Variants in MED20 observed in about 807,000 individuals in gnomAD.
The protein encoded by MED20 is mediator of RNA polymerase II transcription subunit 20.
Under a neutral mutation model 19.7 loss-of-function variants are expected in MED20, and 19 were observed. The observed-to-expected ratio is 0.96, with a 90% CI of 0.67 to 1.42. MED20 has a LOEUF of 1.42. Ranked by LOEUF, MED20 falls within the 40% of genes most tolerant of loss-of-function variation. MED20 has a pLI of 0.00. For missense variants in MED20, 225 were observed against 273.0 expected, an observed-to-expected ratio of 0.82 and a Z score of 1.24; for synonymous variants, 105 against 104.8, an observed-to-expected ratio of 1.00 and a Z score of -0.01.
intron 1 of MED20, chr6:41,917,986 G>A (rs1775358948): frequency 7.8e-6 from 2 of 257,366 alleles, no homozygotes; most frequent in Non-Finnish European, 1.7e-5. Context: ...CAGTATTCAC[G>A]AAAATTGAAT....
intron 2 of MED20, among the ~76,000 whole-genome samples, chr6:41,911,154 C>CT (rs544752819): frequency 0.035 from 4,944 of 140,434 alleles, 125 homozygotes; most frequent in African/African-American, 0.069. Flanking sequence ...AGGCTAAAAA[C>CT]TTTTTTTTTT....
chr6:41,918,377 G>A (rs950885957), intron 1 of MED20, among the ~76,000 whole-genome samples: 5 of 151,974 alleles, frequency 3.3e-5, no homozygotes, highest in Admixed American at 6.6e-5. Context: ...GGTGGTGTGC[G>A]CCTGTAATCC....
In MED20 at chr6:41,907,123, G is replaced by A. The variant is rs151225220; in HGVS notation, c.588C>T (p.Leu196=). The part of the protein sequence containing the change: ...PADTMVQYME[L]FNKIRKQQQV... ...GCTGCTGCTTGCGGATCTTGTTGAA[G>A]AGTTCCATGTACTGGACCATGGTAT... The change falls in exon 4 of 4, where the codon CTC becomes CTT. Residue 196 remains leucine (L), a synonymous_variant. Coordinates refer to ENST00000265350, the MANE Select transcript of MED20 (RefSeq NM_004275.5). The A allele has an allele frequency of 6.2e-7, 1 of 1,614,038 alleles. No homozygotes were observed.
At chr6:41,915,516 G>A (rs1293164472) in intron 2 of MED20, among the ~76,000 whole-genome samples, 8 of 151,864 alleles carry the variant, frequency 5.3e-5, no homozygotes, top group African/African-American at 1.2e-4. Context: ...CGCTGGGCGC[G>A]GTGGCTCACG....
chr6:41,920,718 C>T, intron 1 of MED20: 1 of 343,846 alleles, frequency 2.9e-6, no homozygotes. Context: ...TTGCAGTGAG[C>T]CAAGATCGCT....
intron 3 of MED20, among the ~76,000 whole-genome samples, chr6:41,907,582 CT>C (rs753946237): frequency 6.6e-6 from 1 of 151,982 alleles, no homozygotes; most frequent in Admixed American, 6.6e-5. Flanking sequence ...GTTGTCCCTG[CT>C]ATGCTGGGTA....
At chr6:41,916,301 C>T (rs1485710027) in intron 2 of MED20, among the ~76,000 whole-genome samples, 2 of 148,350 alleles carry the variant, frequency 1.3e-5, no homozygotes, top group African/African-American at 2.6e-5. Context: ...ATAAAGTGGC[C>T]GGGCACAGTG....
intron 1 of MED20, among the ~76,000 whole-genome samples, chr6:41,918,641 G>A (rs551358611): frequency 3.5e-3 from 524 of 149,546 alleles, no homozygotes; most frequent in Non-Finnish European, 5.8e-3. Context: ...GTGAAACCCC[G>A]TCTCTACCAA....
At chr6:41,914,893 A>C (rs1017030371) in intron 2 of MED20, among the ~76,000 whole-genome samples, 4 of 152,210 alleles carry the variant, frequency 2.6e-5, no homozygotes, top group African/African-American at 9.6e-5. Flanking sequence ...TAGAAACCCT[A>C]AAGCTCTAAA....
chr6:41,917,711 A>G (rs1220349288), intron 1 of MED20: 3 of 466,350 alleles, frequency 6.4e-6, no homozygotes, highest in Non-Finnish European at 9.0e-6. Context: ...TGAGTCATAT[A>G]ATGAAAAAGG....
At chr6:41,914,424 A>G (rs1483799354) in intron 2 of MED20, among the ~76,000 whole-genome samples, 2 of 152,220 alleles carry the variant, frequency 1.3e-5, no homozygotes, top group East Asian at 3.8e-4. Flanking sequence ...TCTAAGGGAA[A>G]CAGGTACATG....
At chr6:41,913,995 T>A (rs1775256639) in intron 2 of MED20, among the ~76,000 whole-genome samples, 1 of 152,222 alleles carries the variant, frequency 6.6e-6, no homozygotes, top group Non-Finnish European at 1.5e-5. Context: ...ATTATCTTCA[T>A]TTTATAGATG....
chr6:41,916,876 C>A lies in MED20; in HGVS notation c.78G>T (p.Arg26=). 2 of 1,614,112 alleles carry A rather than the reference C, an allele frequency of 1.2e-6. No individual in the cohort carries two copies. The highest frequency in any genetic ancestry group is 2.2e-5 in the South Asian group (2 of 91,080). The change falls in exon 2 of 4, where the codon CGG becomes CGT. Residue 26 remains arginine, a synonymous_variant. Coordinates refer to ENST00000265350, the MANE Select transcript of MED20 (RefSeq NM_004275.5). ...TCTCTGCCCCAAGCATCTCCAATTT[C>A]CGGGTAAGGAGCTCTACGGTTTGCT... ...SVQQTVELLT[R]KLEMLGAEKQ... is the part of the protein sequence containing the mutation.
At chr6:41,908,900 AG>A in intron 3 of MED20, 1 of 295,730 alleles carries the variant, frequency 3.4e-6, no homozygotes, top group South Asian at 1.3e-4. Flanking sequence ...TGAGGACTGG[AG>A]GCCAGGTGTG....
intron 1 of MED20, 113 bp downstream of exon 1, chr6:41,920,892 C>G: frequency 7.2e-7 from 1 of 1,396,084 alleles, no homozygotes; most frequent in Non-Finnish European, 9.6e-7. Flanking sequence ...CTCATCTACA[C>G]AACCCGAGGA....
Position 41,921,119 on chromosome 6 carries a change from C to T in MED20, c.-101G>A. 6.8e-7 allele frequency: 1 copy of T among 1,479,284 alleles called. No individual in the cohort carries two copies. The highest frequency in any genetic ancestry group is 9.3e-7 in the Non-Finnish European group (1 of 1,080,136). 91.6% of individuals were successfully genotyped at this position (1,479,284 alleles called of 1,614,324 possible). ...AGTTCCCCAACACAACCTTCTGTCTCAGAAGGGACTCCGGAAATACGTAAA... is the reference window on the plus strand; with the variant it reads ...AGTTCCCCAACACAACCTTCTGTCTTAGAAGGGACTCCGGAAATACGTAAA... On this transcript the variant is annotated 5_prime_UTR_variant, in exon 1 of 4. Transcript: ENST00000265350.
chr6:41,917,490 C>A (rs1222498939), intron 1 of MED20: 2 of 235,650 alleles, frequency 8.5e-6, no homozygotes, highest in Non-Finnish European at 1.8e-5. Flanking sequence ...TGAATGTGAA[C>A]AATCAATTAA....
chr6:41,917,842 G>A (rs1286245624), intron 1 of MED20: 2 of 467,064 alleles, frequency 4.3e-6, no homozygotes, highest in Non-Finnish European at 8.9e-6. Flanking sequence ...AGAGCCACAG[G>A]TGGCTGGGAC....
chr6:41,916,258 TAAATAAAATAAAATAAAATA>T (rs58508326), intron 2 of MED20, among the ~76,000 whole-genome samples: 2 of 148,228 alleles, frequency 1.3e-5, no homozygotes, highest in Non-Finnish European at 3.0e-5. Context: ...CTCAAAAAAA[TAAATAAAATAAAATAAAATA>T]AAATAAAATA....
Sources: gnomAD v4.1 joint callset for allele counts (sites outside exome capture counted in the v4.1 genomes callset) on GRCh38, gnomAD v4.1.1 for gene constraint, MANE v1.5 for transcripts, NCBI Gene and HGNC (gene_info 2026-07-23, HGNC 2026-07-21) for gene names.